The following OR4D9 variants were observed in gnomAD, a reference collection of about 807,000 sequenced individuals.
OR4D9 encodes the protein olfactory receptor family 4 subfamily D member 9.
A neutral mutation model predicts 0.8 loss-of-function variants in OR4D9; 2 were observed. That is an observed-to-expected ratio of 2.58 (90% CI 1.06 to 8.13). OR4D9 has a LOEUF of 8.13. Among genes scored for constraint, OR4D9 ranks in the 30% most tolerant of loss-of-function variants. The pLI, the probability that OR4D9 is intolerant of heterozygous loss-of-function variation, is 0.04. For synonymous variants in OR4D9, 146 were observed against 151.2 expected (o/e 0.97, Z 0.25); for missense variants, 399 against 384.7 (o/e 1.04, Z -0.31).
At position 59,514,725 on chromosome 11, in the gene OR4D9, G is replaced by A. The variant is rs1295172321; in HGVS notation, c.-72G>A. On this transcript the variant is annotated 5_prime_UTR_variant, in exon 2 of 3. Transcript: ENST00000641962. Reference sequence around the variant, plus strand: ...TGGGATGACTGAATCAAAAACCTGGGTAATCTTTCATCCAGTGGTGGCATA... The same window carrying A: ...TGGGATGACTGAATCAAAAACCTGGATAATCTTTCATCCAGTGGTGGCATA... 14 of 509,380 alleles carry A rather than the reference G, an allele frequency of 2.7e-5. No individual in the cohort carries two copies. Among genetic ancestry groups the A allele is most frequent in the Non-Finnish European group, 4.8e-5 (14 of 292,230 alleles). The allele number at this position is 509,380 out of a possible 1,614,324, so 31.6% of individuals were successfully genotyped here.
rs761072472 is a variant in OR4D9, at chr11:59,515,609, AG to A, written c.699del (p.Arg234GlyfsTer14). ...GCTGAGGTCTCACACTGGGGAAGGC[AG>A]GAGGAAAGCCATCTCCACCTGCACC... ...MMLRSHTGEGRRKAISTCTSH... is the reference protein window; with the variant it reads ...MMLRSHTGEGXRKAISTCTSH... On this transcript the variant is annotated frameshift_variant, in exon 3 of 3. Coordinates refer to ENST00000641962, the MANE Select transcript of OR4D9 (RefSeq NM_001004711.2). LOFTEE classifies it high-confidence loss of function. The A allele has an allele frequency of 5.7e-5, 92 of 1,614,162 alleles. No individual in the cohort carries two copies. The highest frequency in any genetic ancestry group is 5.3e-4 in the East Asian group (24 of 44,890).
At position 59,517,687 on chromosome 11, in the gene OR4D9, C is replaced by A. The variant is rs1859421907; in HGVS notation, c.*1830C>A. 6.6e-6 allele frequency: 1 copy of A among 152,020 alleles called. No individual in the cohort carries two copies. The highest frequency in any genetic ancestry group is 1.5e-5 in the Non-Finnish European group (1 of 68,040). The allele number at this position is 152,020 out of a possible 1,614,324, so 9.4% of individuals were successfully genotyped here. ...TCTACTAAAAATACAAAAATTAAGC[C>A]GGGTGTGGTGGTAAGCGCCTGTAAT... On this transcript the variant is annotated 3_prime_UTR_variant, in exon 3 of 3. Transcript: ENST00000641962.
Position 59,515,034 on chromosome 11 carries a change from GA to G in OR4D9, c.125del (p.Asn42ThrfsTer41). 6.2e-7 allele frequency: 1 copy of G among 1,614,012 alleles called. No homozygotes were observed. The highest frequency in any genetic ancestry group is 8.5e-7 in the Non-Finnish European group (1 of 1,179,984). On this transcript the variant is annotated frameshift_variant, in exon 3 of 3. Coordinates refer to ENST00000641962, the MANE Select transcript of OR4D9 (RefSeq NM_001004711.2). LOFTEE classifies it low-confidence loss of function (END_TRUNC). ...LFLVYMTTLM[G>X]NFLIMVTVTC... ...TTGGTGTACATGACAACTCTAATGG[GA>G]AACTTCCTCATCATGGTTACAGTTA...
intron 1 of OR4D9, among the ~76,000 whole-genome samples, chr11:59,514,306 A>C (rs922943840): frequency 5.3e-5 from 8 of 152,150 alleles, no homozygotes; most frequent in African/African-American, 1.9e-4. Context: ...TATCTTTTTC[A>C]ATTTAGCCAA....
rs1164110780 is a variant in OR4D9, at chr11:59,516,056, C to T, written c.*199C>T. The T allele has an allele frequency of 2.0e-5, 11 of 538,508 alleles. No homozygotes were observed. In the East Asian group the frequency reaches 3.2e-4, roughly 16 times the overall value. 33.4% of individuals were successfully genotyped at this position (538,508 alleles called of 1,614,324 possible). Reference sequence around the variant, plus strand: ...AAATCCACTCAAGTCTTTCCCTACTCACTTTCAATTATTCATTCCACAAAT... The same window carrying T: ...AAATCCACTCAAGTCTTTCCCTACTTACTTTCAATTATTCATTCCACAAAT... On this transcript the variant is annotated 3_prime_UTR_variant, in exon 3 of 3. Transcript: ENST00000641962.
chr11:59,515,805 T>A lies in OR4D9; in HGVS notation c.893T>A (p.Met298Lys). Residue 298 changes from methionine (M) to lysine (K), a missense_variant, in exon 3 of 3, where the codon ATG becomes AAG. Transcript: ENST00000641962. ...TLRNQEMKLA[M>K]RKLKRRLGQS... Reference sequence around the variant, plus strand: ...AGGAATCAGGAAATGAAGTTGGCCATGAGGAAACTGAAGAGACGGCTAGGA... The same window carrying A: ...AGGAATCAGGAAATGAAGTTGGCCAAGAGGAAACTGAAGAGACGGCTAGGA... 1 of 1,614,140 alleles carries A rather than the reference T, an allele frequency of 6.2e-7. No individual in the cohort carries two copies. Among genetic ancestry groups the A allele is most frequent in the Non-Finnish European group, 8.5e-7 (1 of 1,180,014 alleles).
At position 59,513,761 on chromosome 11, in the gene OR4D9, C is replaced by A. The variant is rs4499020; in HGVS notation, c.-124-912C>A. ...CAGCCTGGGTAACATAGGGAGACCCCAACTCTATAAAAAAATTAAAAATTA... is the reference window on the plus strand; with the variant it reads ...CAGCCTGGGTAACATAGGGAGACCCAAACTCTATAAAAAAATTAAAAATTA... On this transcript the variant is annotated intron_variant, in intron 1 of 2. Transcript: ENST00000641962. 2.6e-4 allele frequency among the ~76,000 whole-genome samples: 40 copies of A among 151,636 alleles called. No individual in the cohort carries two copies. The East Asian group carries it at 7.7e-3, about 29-fold the overall frequency.
Position 59,515,170 on chromosome 11 carries a change from A to C in OR4D9, c.258A>C (p.Leu86=). 2 of 1,614,144 alleles carry C rather than the reference A, an allele frequency of 1.2e-6. No homozygotes were observed. Among genetic ancestry groups the C allele is most frequent in the East Asian group, 4.5e-5 (2 of 44,872 alleles). The change falls in exon 3 of 3, where the codon CTA becomes CTC. Residue 86 remains leucine (L), a synonymous_variant. Coordinates refer to ENST00000641962, the MANE Select transcript of OR4D9 (RefSeq NM_001004711.2). ...ITAPKVLIDL[L]SETKTISFSG... is the part of the protein sequence containing the mutation. ...CTCCTAAGGTCCTGATAGATCTTCT[A>C]TCAGAGACAAAAACCATCTCCTTCA...
rs781612268 is a variant in OR4D9, at chr11:59,515,429, G to A, written c.517G>A (p.Val173Ile). ...LLPLPFCGPN[V>I]LDTFYCDVPQ... Reference sequence around the variant, plus strand: ...CCCACTCCCTTTCTGTGGACCCAATGTTCTTGACACTTTCTACTGCGATGT... The same window carrying A: ...CCCACTCCCTTTCTGTGGACCCAATATTCTTGACACTTTCTACTGCGATGT... The change falls in exon 3 of 3, where the codon GTT becomes ATT. Residue 173 changes from valine (V) to isoleucine (I), a missense_variant. Transcript: ENST00000641962. 2 of 1,614,012 alleles carry A rather than the reference G, an allele frequency of 1.2e-6. No homozygotes were observed. The highest frequency in any genetic ancestry group is 3.3e-5 in the Admixed American group (2 of 60,010).
rs766438774 is a variant in OR4D9, at chr11:59,518,287, C to G, written c.*2430C>G. 1 of 152,306 alleles carries G rather than the reference C, an allele frequency of 6.6e-6. No homozygotes were observed. The highest frequency in any genetic ancestry group is 1.5e-5 in the Non-Finnish European group (1 of 68,116). The allele number at this position is 152,306 out of a possible 1,614,324, so 9.4% of individuals were successfully genotyped here. A position where few individuals can be genotyped will look rare whatever the true frequency, so the allele number is the denominator to read the frequency against. On this transcript the variant is annotated 3_prime_UTR_variant, in exon 3 of 3. Coordinates refer to ENST00000641962, the MANE Select transcript of OR4D9 (RefSeq NM_001004711.2). Reference sequence around the variant, plus strand: ...CCACTGCAACAAAAATGTCCACGGTCTAAGTAGTTAGCCACAACAAAAGTT... The same window carrying G: ...CCACTGCAACAAAAATGTCCACGGTGTAAGTAGTTAGCCACAACAAAAGTT...
chr11:59,515,463 T>C lies in OR4D9; in HGVS notation c.551T>C (p.Val184Ala), dbSNP rs775333161. ...ACTTTCTACTGCGATGTCCCCCAGG[T>C]CCTCAAACTTGCCTGCACTGACACC... is the stretch of plus-strand genomic sequence containing the variant. Reference protein sequence around the residue: ...LDTFYCDVPQVLKLACTDTFT... With the variant: ...LDTFYCDVPQALKLACTDTFT... The change falls in exon 3 of 3, where the codon GTC becomes GCC. Residue 184 changes from valine (V) to alanine (A), a missense_variant. Val to Ala is a moderately conservative substitution (Grantham distance 64). Transcript: ENST00000641962. The C allele has an allele frequency of 8.1e-6, 13 of 1,614,148 alleles. No individual in the cohort carries two copies. The South Asian group carries it at 1.3e-4, about 16-fold the overall frequency.
chr11:59,515,641 C>T lies in OR4D9; in HGVS notation c.729C>T (p.His243=). The T allele has an allele frequency of 6.2e-7, 1 of 1,614,214 alleles. No homozygotes were observed. The highest frequency in any genetic ancestry group is 8.5e-7 in the Non-Finnish European group (1 of 1,180,036). Residue 243 remains histidine, a synonymous_variant, in exon 3 of 3, where the codon CAC becomes CAT. Coordinates refer to ENST00000641962, the MANE Select transcript of OR4D9 (RefSeq NM_001004711.2). The part of the protein sequence containing the change: ...RRKAISTCTS[H]ITVVTLHFVP... ...AAGCCATCTCCACCTGCACCTCCCA[C>T]ATCACCGTGGTGACCCTGCATTTCG...
In OR4D9 at chr11:59,518,423, A is replaced by G. The variant is rs1859432483; in HGVS notation, c.*2566A>G. On this transcript the variant is annotated 3_prime_UTR_variant, in exon 3 of 3. Coordinates refer to ENST00000641962, the MANE Select transcript of OR4D9 (RefSeq NM_001004711.2). ...CCGTCTTGGGCTCCACATTCTCTAG[A>G]TCCTCAGAATCCTGTCCATGATCCA... is the stretch of plus-strand genomic sequence containing the variant. The G allele has an allele frequency of 6.6e-6, 1 of 152,262 alleles. No individual in the cohort carries two copies. The highest frequency in any genetic ancestry group is 1.5e-5 in the Non-Finnish European group (1 of 68,068). The allele number at this position is 152,262 out of a possible 1,614,324, so 9.4% of individuals were successfully genotyped here.
chr11:59,519,578 C>T lies in OR4D9; in HGVS notation c.*3721C>T, dbSNP rs1369902012. The T allele has an allele frequency of 1.3e-5, 2 of 152,134 alleles. No individual in the cohort carries two copies. The highest frequency in any genetic ancestry group is 4.8e-5 in the African/African-American group (2 of 41,428). The allele number at this position is 152,134 out of a possible 1,614,324, so 9.4% of individuals were successfully genotyped here. A position where few individuals can be genotyped will look rare whatever the true frequency, so the allele number is the denominator to read the frequency against. ...GCCCCAAGAAGATAGGCCAAGAAGA[C>T]AATCCTCATAGAAAGCAACTCTCAC... On this transcript the variant is annotated 3_prime_UTR_variant, in exon 3 of 3. Transcript: ENST00000641962.
chr11:59,520,630 G>C lies in OR4D9; in HGVS notation c.*4773G>C, dbSNP rs143890383. 16 of 152,094 alleles carry C rather than the reference G, an allele frequency of 1.1e-4. No individual in the cohort carries two copies. Among genetic ancestry groups the C allele is most frequent in the Non-Finnish European group, 1.8e-4 (12 of 67,988 alleles). The allele number at this position is 152,094 out of a possible 1,614,324, so 9.4% of individuals were successfully genotyped here. Reference sequence around the variant, plus strand: ...TATAATAATAACAAAAAAAAGAAAAGATAAATGAAGTCAATTGAGGAGATA... The same window carrying C: ...TATAATAATAACAAAAAAAAGAAAACATAAATGAAGTCAATTGAGGAGATA... On this transcript the variant is annotated 3_prime_UTR_variant, in exon 3 of 3. Transcript: ENST00000641962.
rs1859452461 is a variant in OR4D9 at position 59,519,709 on chromosome 11, A to G, written c.*3852A>G. On this transcript the variant is annotated 3_prime_UTR_variant, in exon 3 of 3. Transcript: ENST00000641962. ...AACTACCATTTGACGCAGCAATCCC[A>G]TTGCTGGGTATATACCCAAAAGAAA... 6.6e-6 allele frequency: 1 copy of G among 152,216 alleles called. No individual in the cohort carries two copies. The highest frequency in any genetic ancestry group is 6.5e-5 in the Admixed American group (1 of 15,282). 9.4% of individuals were successfully genotyped at this position (152,216 alleles called of 1,614,324 possible). A position where few individuals can be genotyped will look rare whatever the true frequency, so the allele number is the denominator to read the frequency against.
At position 59,520,345 on chromosome 11, in the gene OR4D9, C is replaced by T. The variant is rs1231572388; in HGVS notation, c.*4488C>T. 6.6e-6 allele frequency: 1 copy of T among 150,988 alleles called. No individual in the cohort carries two copies. Among genetic ancestry groups the T allele is most frequent in the African/African-American group, 2.4e-5 (1 of 41,048 alleles). The allele number at this position is 150,988 out of a possible 1,614,324, so 9.4% of individuals were successfully genotyped here. A position where few individuals can be genotyped will look rare whatever the true frequency, so the allele number is the denominator to read the frequency against. ...TATCTTCTTTGCTGATTGACATTTC[C>T]TGTGTTCTATTTCTACCACTCAAAA... On this transcript the variant is annotated 3_prime_UTR_variant, in exon 3 of 3. Transcript: ENST00000641962.
chr11:59,518,108 G>T lies in OR4D9; in HGVS notation c.*2251G>T, dbSNP rs1157162623. On this transcript the variant is annotated 3_prime_UTR_variant, in exon 3 of 3. Coordinates refer to ENST00000641962, the MANE Select transcript of OR4D9 (RefSeq NM_001004711.2). ...ACCTGAGAATTTGCCAGTCTCTGTT[G>T]TGAAAGAGACAGGGATAGTGCTAGG... 1 of 152,226 alleles carries T rather than the reference G, an allele frequency of 6.6e-6. No individual in the cohort carries two copies. Among genetic ancestry groups the T allele is most frequent in the Non-Finnish European group, 1.5e-5 (1 of 68,048 alleles). 9.4% of individuals were successfully genotyped at this position (152,226 alleles called of 1,614,324 possible).
chr11:59,514,178 C>T (rs957162522), intron 1 of OR4D9, among the ~76,000 whole-genome samples: 3 of 152,142 alleles, frequency 2.0e-5, no homozygotes, highest in Admixed American at 1.3e-4. Context: ...TATATACTGT[C>T]TTAGCAGAGA....
Sources: gnomAD v4.1 joint callset for allele counts (sites outside exome capture counted in the v4.1 genomes callset) on GRCh38, gnomAD v4.1.1 for gene constraint, MANE v1.5 for transcripts, NCBI Gene and HGNC (gene_info 2026-07-23, HGNC 2026-07-21) for gene names.